CDK15: variants seen among roughly 807,000 people sequenced by gnomAD.
CDK15 encodes the protein cyclin-dependent kinase 15.
A neutral mutation model predicts 60.3 loss-of-function variants in CDK15; 62 were observed. That is an observed-to-expected ratio of 1.03 (90% CI 0.84 to 1.27). CDK15 has a LOEUF of 1.27. Ranked by LOEUF, CDK15 falls within the 50% of genes most tolerant of loss-of-function variation. The pLI is 0.00. For missense variants in CDK15, 541 were observed against 527.8 expected (o/e 1.03, Z -0.25); for synonymous variants, 194 against 195.7 (o/e 0.99, Z 0.07).
chr2:201,877,659 G>A (rs548531411), intron 11 of CDK15, among the ~76,000 whole-genome samples: 1 of 152,242 alleles, frequency 6.6e-6, no homozygotes, highest in South Asian at 2.1e-4. Context: ...ACCTCTGCCT[G>A]GACAGGATAC....
At chr2:201,809,191 C>T (rs893935254) in intron 3 of CDK15, among the ~76,000 whole-genome samples, 7 of 152,144 alleles carry the variant, frequency 4.6e-5, no homozygotes, top group South Asian at 2.1e-4. Context: ...CAAGGTGGCT[C>T]GGAACGGGGG....
At chr2:201,808,581 T>A (rs921579316) in intron 3 of CDK15, 3 of 142,694 alleles carry the variant, frequency 2.1e-5, no homozygotes, top group Non-Finnish European at 3.1e-5. Context: ...CCCCTTTTAG[T>A]CAAGGTGGGA....
At position 201,894,447 on chromosome 2, in the gene CDK15, A is replaced by G. The variant is rs549806436; in HGVS notation, c.*1180A>G. 6.6e-6 allele frequency: 1 copy of G among 152,328 alleles called. No individual in the cohort carries two copies. Among genetic ancestry groups the G allele is most frequent in the East Asian group, 1.9e-4 (1 of 5,186 alleles). The allele number at this position is 152,328 out of a possible 1,614,324, so 9.4% of individuals were successfully genotyped here. A position where few individuals can be genotyped will look rare whatever the true frequency, so the allele number is the denominator to read the frequency against. Reference sequence around the variant, plus strand: ...CTGTCCAGCTATACCTGAAAGATGAAACAGTGTAGGCTGGGTGATGGAGCA... The same window carrying G: ...CTGTCCAGCTATACCTGAAAGATGAGACAGTGTAGGCTGGGTGATGGAGCA... On this transcript the variant is annotated 3_prime_UTR_variant, in exon 14 of 14. Transcript: ENST00000652192.
rs139914560 is a variant in CDK15, at chr2:201,850,751, A to G, written c.945+3277A>G. The stretch of plus-strand genomic sequence containing the variant: ...TAATGGCTGTGCTATTTGCATGCCC[A>G]CCATCAGTGTGCAAATGCTCCCTTT... On this transcript the variant is annotated intron_variant, in intron 9 of 13. Coordinates refer to ENST00000652192, the MANE Select transcript of CDK15 (RefSeq NM_001366386.2). 4.9e-3 allele frequency among the ~76,000 whole-genome samples: 752 copies of G among 152,288 alleles called. 4 individuals carry two copies. The highest frequency in any genetic ancestry group is 0.017 in the African/African-American group (695 of 41,564).
chr2:201,875,832 G>A (rs10196988), intron 11 of CDK15, among the ~76,000 whole-genome samples: 15,052 of 152,212 alleles, frequency 0.099, 1,301 homozygotes, highest in African/African-American at 0.23. Context: ...TTATCTCAGA[G>A]TGATGGGCTA....
At chr2:201,812,610 T>A (rs1178868656) in intron 4 of CDK15, 48 bp downstream of exon 4, 2 of 1,328,064 alleles carry the variant, frequency 1.5e-6, no homozygotes, top group African/African-American at 2.9e-5. Flanking sequence ...GAGTCCTTGA[T>A]TTGGTAAAAA....
intron 4 of CDK15, among the ~76,000 whole-genome samples, chr2:201,813,572 ATGTCT>A (rs1695865992): frequency 6.6e-6 from 1 of 152,198 alleles, no homozygotes; most frequent in Non-Finnish European, 1.5e-5. Context: ...AGAGAAACCC[ATGTCT>A]TTGTTCTATC....
intron 8 of CDK15, among the ~76,000 whole-genome samples, chr2:201,836,053 A>T (rs56292223): frequency 0.032 from 353 of 10,904 alleles, 2 homozygotes; most frequent in East Asian, 0.15. Flanking sequence ...ATATTTATAT[A>T]TATATTATAT....
chr2:201,886,685 T>C (rs1312523973), intron 12 of CDK15, among the ~76,000 whole-genome samples: 3 of 152,088 alleles, frequency 2.0e-5, no homozygotes, highest in Admixed American at 1.3e-4. Context: ...TTCAGTTTTA[T>C]AAGAAAACAT....
chr2:201,840,424 C>T (rs900659196), intron 8 of CDK15, among the ~76,000 whole-genome samples: 2 of 152,196 alleles, frequency 1.3e-5, no homozygotes, highest in African/African-American at 2.4e-5. Flanking sequence ...ATTCTATCCA[C>T]TTTTGCTTTA....
chr2:201,893,595 G>T lies in CDK15; in HGVS notation c.*328G>T, dbSNP rs935824757. 1 of 152,116 alleles carries T rather than the reference G, an allele frequency of 6.6e-6. No individual in the cohort carries two copies. Among genetic ancestry groups the T allele is most frequent in the Non-Finnish European group, 1.5e-5 (1 of 68,016 alleles). The allele number at this position is 152,116 out of a possible 1,614,324, so 9.4% of individuals were successfully genotyped here. ...TTGGCATTTGTTAAGAGATTCCTGGGCTAGAAGGTTGATTTCCCAAAAAGA... is the reference window on the plus strand; with the variant it reads ...TTGGCATTTGTTAAGAGATTCCTGGTCTAGAAGGTTGATTTCCCAAAAAGA... On this transcript the variant is annotated 3_prime_UTR_variant, in exon 14 of 14. Coordinates refer to ENST00000652192, the MANE Select transcript of CDK15 (RefSeq NM_001366386.2).
intron 4 of CDK15, among the ~76,000 whole-genome samples, chr2:201,816,938 T>A (rs1390356719): frequency 6.6e-6 from 1 of 152,212 alleles, no homozygotes; most frequent in Non-Finnish European, 1.5e-5. Flanking sequence ...AACTGCCCCT[T>A]AATTTGCATA....
In CDK15 at chr2:201,894,931, A is replaced by G. The variant is rs111297521; in HGVS notation, c.*1664A>G. 2.0e-5 allele frequency: 3 copies of G among 152,266 alleles called. No homozygotes were observed. The highest frequency in any genetic ancestry group is 7.2e-5 in the African/African-American group (3 of 41,462). 9.4% of individuals were successfully genotyped at this position (152,266 alleles called of 1,614,324 possible). ...GACTTAAATTCTTACACTTTGGGCT[A>G]CAACTTAAAAAAGGCTATGACTTAG... On this transcript the variant is annotated 3_prime_UTR_variant, in exon 14 of 14. Transcript: ENST00000652192.
At chr2:201,822,961 G>T (rs1470157482) in intron 5 of CDK15, 58 bp downstream of exon 5, 13 of 966,264 alleles carry the variant, frequency 1.3e-5, no homozygotes, top group African/African-American at 6.4e-5. Flanking sequence ...CTTGTATAAT[G>T]AATCTGTTAA....
In CDK15 at chr2:201,894,757, A is replaced by G. The variant is rs1354542391; in HGVS notation, c.*1490A>G. 1 of 152,158 alleles carries G rather than the reference A, an allele frequency of 6.6e-6. No homozygotes were observed. Among genetic ancestry groups the G allele is most frequent in the Admixed American group, 6.5e-5 (1 of 15,268 alleles). The allele number at this position is 152,158 out of a possible 1,614,324, so 9.4% of individuals were successfully genotyped here. On this transcript the variant is annotated 3_prime_UTR_variant, in exon 14 of 14. Transcript: ENST00000652192. Reference sequence around the variant, plus strand: ...ATGCAAACCTCAGACCTGGTTCTCCAATGTTCCTGACACCTATCGAATTTA... The same window carrying G: ...ATGCAAACCTCAGACCTGGTTCTCCGATGTTCCTGACACCTATCGAATTTA...
At chr2:201,883,058 G>A (rs1030786026) in intron 12 of CDK15, among the ~76,000 whole-genome samples, 3 of 152,160 alleles carry the variant, frequency 2.0e-5, no homozygotes, top group Non-Finnish European at 4.4e-5. Context: ...GCAAAAATCG[G>A]CATGCTCTTG....
chr2:201,827,557 T>C (rs527556379), intron 6 of CDK15, among the ~76,000 whole-genome samples: 2 of 152,300 alleles, frequency 1.3e-5, no homozygotes, highest in African/African-American at 4.8e-5. Context: ...CTGTGGTCTG[T>C]AGGATATATG....
rs72270010 is a variant in CDK15, at chr2:201,866,010, ATGTGTGTGTGTGTGTG to A, written c.1010-6246_1010-6231del. ...CAAACAGTTTTGAGGACATGAGTGA[ATGTGTGTGTGTGTGTG>A]TGTGTGTGTGTGTGTGTGTGTTTGG... On this transcript the variant is annotated intron_variant, in intron 10 of 13. Coordinates refer to ENST00000652192, the MANE Select transcript of CDK15 (RefSeq NM_001366386.2). Among the ~76,000 whole-genome samples, 615 of 139,736 alleles carry A rather than the reference ATGTGTGTGTGTGTGTG, an allele frequency of 4.4e-3. 4 individuals are homozygous for A. The highest frequency in any genetic ancestry group is 7.3e-3 in the Non-Finnish European group (460 of 63,236). 91.7% of individuals were successfully genotyped at this position (139,736 alleles called of 152,430 possible).
At chr2:201,892,117 C>T (rs1699658772) in intron 13 of CDK15, among the ~76,000 whole-genome samples, 1 of 152,194 alleles carries the variant, frequency 6.6e-6, no homozygotes, top group South Asian at 2.1e-4. Flanking sequence ...AAAATTATAG[C>T]TGATCCTCAG....
Sources: gnomAD v4.1 joint callset for allele counts (sites outside exome capture counted in the v4.1 genomes callset) on GRCh38, gnomAD v4.1.1 for gene constraint, MANE v1.5 for transcripts, NCBI Gene and HGNC (gene_info 2026-07-23, HGNC 2026-07-21) for gene names.